CNTN6: variants seen among roughly 807,000 people sequenced by gnomAD.
The protein encoded by CNTN6 is contactin-6.
CNTN6 carries 137 observed loss-of-function variants against 122.8 expected under a neutral mutation model. The observed-to-expected ratio is 1.12, with a 90% confidence interval of 0.97 to 1.29. The LOEUF is 1.29. Ranked by LOEUF, CNTN6 falls within the 50% of genes most tolerant of loss-of-function variation. The pLI is 0.00. For synonymous variants in CNTN6, 570 were observed against 426.0 expected, an observed-to-expected ratio of 1.34 and a Z score of -4.16; for missense variants, 1,634 against 1,223.4, an observed-to-expected ratio of 1.34 and a Z score of -5.01.
intron 20 of CNTN6, among the ~76,000 whole-genome samples, chr3:1,390,546 GAAAT>G (rs1445652119): frequency 6.6e-6 from 1 of 151,916 alleles, no homozygotes; most frequent in African/African-American, 2.4e-5. Flanking sequence ...CAGAAAGAAA[GAAAT>G]AACTAAAATC....
intron 1 of CNTN6, among the ~76,000 whole-genome samples, chr3:1,102,545 A>T (rs2090964974): frequency 1.3e-5 from 2 of 150,922 alleles, no homozygotes; most frequent in Admixed American, 1.3e-4. Context: ...CCTGGCTAAC[A>T]CGGTGAAACC....
intron 3 of CNTN6, 37 bp from the exon 4 acceptor site, chr3:1,227,781 G>GTA: frequency 1.9e-6 from 3 of 1,599,394 alleles, no homozygotes; most frequent in Non-Finnish European, 2.6e-6. Context: ...GATTGACTCT[G>GTA]TATATTATAA....
intron 4 of CNTN6, among the ~76,000 whole-genome samples, chr3:1,269,100 C>T (rs531601191): frequency 1.3e-5 from 2 of 152,208 alleles, no homozygotes; most frequent in South Asian, 4.2e-4. Context: ...TTGTACTTAA[C>T]ATCTTCTACA....
chr3:1,367,349 T>G (rs1708378499), intron 12 of CNTN6, among the ~76,000 whole-genome samples: 2 of 152,126 alleles, frequency 1.3e-5, no homozygotes, highest in African/African-American at 4.8e-5. Context: ...TGCTACTCTT[T>G]ACTATGCTAC....
At chr3:1,370,636 T>A (rs1010887134) in intron 12 of CNTN6, among the ~76,000 whole-genome samples, 2 of 152,020 alleles carry the variant, frequency 1.3e-5, no homozygotes, top group Non-Finnish European at 2.9e-5. Context: ...GATCACTTGA[T>A]GTCAGGAGTT....
intron 1 of CNTN6, among the ~76,000 whole-genome samples, chr3:1,131,968 C>T (rs17034109): frequency 0.37 from 55,879 of 151,688 alleles, 10,812 homozygotes; most frequent in East Asian, 0.46. Flanking sequence ...CAATATTGTG[C>T]CAAAAATACC....
intron 12 of CNTN6, among the ~76,000 whole-genome samples, chr3:1,368,200 A>G (rs1197591027): frequency 6.6e-6 from 1 of 152,230 alleles, no homozygotes; most frequent in Admixed American, 6.5e-5. Context: ...GAATGGTAAA[A>G]CAGGCATTTT....
intron 2 of CNTN6, among the ~76,000 whole-genome samples, chr3:1,152,727 A>T (rs193219303): frequency 7.1e-6 from 1 of 140,910 alleles, no homozygotes; most frequent in Non-Finnish European, 1.5e-5. Flanking sequence ...TTTGATAATT[A>T]TTAAAAATGT....
chr3:1,270,318 TCAAAG>T (rs1268635126), intron 4 of CNTN6, among the ~76,000 whole-genome samples: 1 of 152,194 alleles, frequency 6.6e-6, no homozygotes, highest in Non-Finnish European at 1.5e-5. Flanking sequence ...CTGGTCCTCT[TCAAAG>T]AAGAGAAGCA....
intron 7 of CNTN6, among the ~76,000 whole-genome samples, chr3:1,304,135 T>C (rs1697922458): frequency 6.6e-6 from 1 of 152,198 alleles, no homozygotes; most frequent in African/African-American, 2.4e-5. Flanking sequence ...CACAGTACTT[T>C]ACTACTTATG....
chr3:1,181,870 A>G (rs1027164572), intron 2 of CNTN6, among the ~76,000 whole-genome samples: 1 of 152,120 alleles, frequency 6.6e-6, no homozygotes, highest in African/African-American at 2.4e-5. Context: ...AGAATATTCA[A>G]TGTGTATCTA....
At chr3:1,225,344 T>C (rs2094266951) in intron 3 of CNTN6, among the ~76,000 whole-genome samples, 1 of 152,168 alleles carries the variant, frequency 6.6e-6, no homozygotes, top group Admixed American at 6.5e-5. Flanking sequence ...GTTGAACCCC[T>C]GATCTATATG....
intron 12 of CNTN6, among the ~76,000 whole-genome samples, chr3:1,359,072 A>C (rs192909742): frequency 2.0e-5 from 3 of 152,160 alleles, no homozygotes; most frequent in African/African-American, 7.2e-5. Flanking sequence ...AAAACAAAAA[A>C]GGTACAGAAG....
chr3:1,348,157 C>CAAAAAAAAAAAAAAAAAAAAAAAA lies in CNTN6; in HGVS notation c.1365-4148_1365-4147insAAAAAAAAAAAAAAAAAAAAAAAA, dbSNP rs532282828. ...AATATTAGTATTTCTATGCTATAGA[C>CAAAAAAAAAAAAAAAAAAAAAAAA]AAAAAAAAAAAAAAAAAAAGGACTT... On this transcript the variant is annotated intron_variant, in intron 11 of 22. Transcript: ENST00000446702. 4.4e-4 allele frequency among the ~76,000 whole-genome samples: 28 copies of CAAAAAAAAAAAAAAAAAAAAAAAA among 64,270 alleles called. 6 individuals are homozygous for CAAAAAAAAAAAAAAAAAAAAAAAA. The highest frequency in any genetic ancestry group is 5.5e-4 in the African/African-American group (8 of 14,592). The allele number at this position is 64,270 out of a possible 152,430, so 42.2% of individuals were successfully genotyped here. A position where few individuals can be genotyped will look rare whatever the true frequency, so the allele number is the denominator to read the frequency against.
At chr3:1,305,665 C>T (rs943239152) in intron 7 of CNTN6, among the ~76,000 whole-genome samples, 1 of 150,340 alleles carries the variant, frequency 6.7e-6, no homozygotes, top group South Asian at 2.1e-4. Flanking sequence ...AACATATTTT[C>T]CTTTTTTTAA....
chr3:1,256,121 G>A (rs3864025), intron 4 of CNTN6, among the ~76,000 whole-genome samples: 12 of 151,856 alleles, frequency 7.9e-5, no homozygotes, highest in East Asian at 1.9e-4. Context: ...TCCTTCTGTC[G>A]TGGTCTCCTA....
intron 1 of CNTN6, among the ~76,000 whole-genome samples, chr3:1,147,278 G>T (rs2092742873): frequency 6.6e-6 from 1 of 151,960 alleles, no homozygotes; most frequent in Admixed American, 6.6e-5. Context: ...AAAGGCCATA[G>T]AAATAATAAA....
At position 1,325,852 on chromosome 3, in the gene CNTN6, CCTCT is replaced by C. The variant is rs1216820889; in HGVS notation, c.987_990del (p.Ile331MetfsTer21). The stretch of plus-strand genomic sequence containing the variant: ...GGGAACAGAAAATCCAAAATACACA[CCTCT>C]CTATCTATGACAACTTGCTCTGGGA... On this transcript the variant is annotated frameshift_variant, in exon 9 of 23. Coordinates refer to ENST00000446702, the MANE Select transcript of CNTN6 (RefSeq NM_001289080.2). LOFTEE classifies it high-confidence loss of function. The C allele has an allele frequency of 6.2e-7, 1 of 1,611,912 alleles. No homozygotes were observed. Among genetic ancestry groups the C allele is most frequent in the East Asian group, 2.2e-5 (1 of 44,776 alleles).
At chr3:1,354,301 C>G (rs1706180405) in intron 12 of CNTN6, among the ~76,000 whole-genome samples, 1 of 150,446 alleles carries the variant, frequency 6.6e-6, no homozygotes, top group African/African-American at 2.4e-5. Context: ...ATAAATCTAA[C>G]CATAATCCCC....
Sources: gnomAD v4.1 joint callset for allele counts (sites outside exome capture counted in the v4.1 genomes callset) on GRCh38, gnomAD v4.1.1 for gene constraint, MANE v1.5 for transcripts, NCBI Gene and HGNC (gene_info 2026-07-23, HGNC 2026-07-21) for gene names.